The following HDAC9 variants were observed in gnomAD, a reference collection of about 807,000 sequenced individuals.
HDAC9 encodes histone deacetylase 9, also known as MEF-2 interacting transcription repressor (MITR) protein.
In HDAC9, 41 loss-of-function variants were observed where a neutral mutation model predicts 139.4. The ratio of observed to expected loss-of-function variants is 0.29; its 90% CI spans 0.23 to 0.38. The LOEUF (loss-of-function observed/expected upper bound fraction) is 0.38, where lower values mean the gene tolerates loss of function less well. HDAC9 is among the 10% of genes least tolerant of loss of function. HDAC9 has a pLI of 1.00. For missense variants in HDAC9, 1,147 were observed against 1,297.0 expected (o/e 0.88, Z 1.78); for synonymous variants, 517 against 476.2 (o/e 1.09, Z -1.12).
intron 1 of HDAC9, among the ~76,000 whole-genome samples, chr7:18,392,679 G>C (rs945166742): frequency 2.0e-5 from 3 of 151,950 alleles, no homozygotes; most frequent in African/African-American, 7.2e-5. Flanking sequence ...GATATTGTTA[G>C]TATTTTACCT....
intron 2 of HDAC9, among the ~76,000 whole-genome samples, chr7:18,573,830 C>G (rs1029965514): frequency 1.6e-4 from 24 of 152,152 alleles, no homozygotes; most frequent in Admixed American, 5.2e-4. Flanking sequence ...ACCACTGAAC[C>G]CCAAAGAGAG....
intron 25 of HDAC9, among the ~76,000 whole-genome samples, chr7:18,977,260 G>C (rs1045065395): frequency 1.6e-4 from 24 of 152,086 alleles, no homozygotes; most frequent in African/African-American, 4.6e-4. Flanking sequence ...TAATCCAAAG[G>C]TGTTGCAATT....
At chr7:18,995,915 A>C in intron 25 of HDAC9, 108 bp from the exon 26 acceptor site, 1 of 769,284 alleles carries the variant, frequency 1.3e-6, no homozygotes, top group Non-Finnish European at 2.1e-6. Flanking sequence ...TGAATAACAC[A>C]AATAAACATC....
intron 16 of HDAC9, 82 bp from the exon 17 acceptor site, chr7:18,793,263 T>C: frequency 1.1e-6 from 1 of 939,952 alleles, no homozygotes; most frequent in Admixed American, 2.0e-5. Flanking sequence ...CCCTGCGACC[T>C]CTTCCCCTTT....
rs138675821 is a variant in HDAC9 at position 18,478,365 on chromosome 7, C to T, written c.-41-17897C>T. 4.1e-3 allele frequency among the ~76,000 whole-genome samples: 619 copies of T among 152,324 alleles called. 1 individual carries two copies. The highest frequency in any genetic ancestry group is 0.017 in the Middle Eastern group (5 of 294). On this transcript the variant is annotated intron_variant, in intron 1 of 3. Coordinates refer to the HDAC9 transcript ENST00000413509. ...GGATTACAGGCGTGAGCCGCCACGC[C>T]GGGCCAAAATACTGTACTTTTAAGT...
chr7:18,636,478 C>T (rs2128996949), intron 8 of HDAC9, among the ~76,000 whole-genome samples: 1 of 152,110 alleles, frequency 6.6e-6, no homozygotes, highest in South Asian at 2.1e-4. Flanking sequence ...ACAAAGCAAA[C>T]AAAAACTCCC....
At chr7:18,569,067 TA>T (rs1480085597) in intron 2 of HDAC9, among the ~76,000 whole-genome samples, 5 of 149,958 alleles carry the variant, frequency 3.3e-5, no homozygotes, top group Admixed American at 6.7e-5. Context: ...AATAAATAAA[TA>T]AAATAAAATA....
chr7:18,765,691 ATATT>A (rs1762589375), intron 15 of HDAC9, among the ~76,000 whole-genome samples: 1 of 152,222 alleles, frequency 6.6e-6, no homozygotes, highest in Non-Finnish European at 1.5e-5. Flanking sequence ...ATGTACATAT[ATATT>A]TTAATTTCAC....
intron 2 of HDAC9, among the ~76,000 whole-genome samples, chr7:18,249,524 CA>C (rs1417150363): frequency 1.8e-4 from 9 of 49,044 alleles, no homozygotes; most frequent in Non-Finnish European, 3.9e-4. Context: ...AAAAAAAAAA[CA>C]AAAAAAAAAC....
chr7:18,319,007 C>A (rs140165914), intron 1 of HDAC9, among the ~76,000 whole-genome samples: 2 of 152,214 alleles, frequency 1.3e-5, no homozygotes. Flanking sequence ...TCTGCATTTC[C>A]GGGGGATTCC....
At chr7:18,149,630 A>AACCC (rs1786611712) in intron 1 of HDAC9, among the ~76,000 whole-genome samples, 1 of 151,884 alleles carries the variant, frequency 6.6e-6, no homozygotes, top group Non-Finnish European at 1.5e-5. Context: ...GGCTCACTGC[A>AACCC]GGCTTCGCCT....
intron 2 of HDAC9, among the ~76,000 whole-genome samples, chr7:18,561,513 T>C (rs1820591319): frequency 6.6e-6 from 1 of 152,184 alleles, no homozygotes; most frequent in Non-Finnish European, 1.5e-5. Context: ...TTCACATGGT[T>C]GTGCAACCAT....
chr7:18,435,593 T>C (rs932106592), intron 1 of HDAC9, among the ~76,000 whole-genome samples: 5 of 152,042 alleles, frequency 3.3e-5, no homozygotes, highest in East Asian at 1.9e-4. Flanking sequence ...ATTGACTTTT[T>C]GTTTTTTACA....
chr7:18,928,367 G>C (rs1804420875), intron 22 of HDAC9, among the ~76,000 whole-genome samples: 1 of 152,202 alleles, frequency 6.6e-6, no homozygotes, highest in Admixed American at 6.5e-5. Context: ...AGTTCTGACT[G>C]TACTTTGTTC....
chr7:18,702,384 G>T (rs909693039), intron 12 of HDAC9, among the ~76,000 whole-genome samples: 1 of 152,184 alleles, frequency 6.6e-6, no homozygotes, highest in Non-Finnish European at 1.5e-5. Flanking sequence ...ACTGGTGTCC[G>T]CAGCACCTCC....
intron 9 of HDAC9, among the ~76,000 whole-genome samples, chr7:18,646,739 C>T (rs960728537): frequency 6.6e-6 from 1 of 152,044 alleles, no homozygotes; most frequent in Non-Finnish European, 1.5e-5. Flanking sequence ...GTATTAGAGT[C>T]CTGCTTTTGT....
chr7:18,506,428 C>T (rs1799783709), intron 2 of HDAC9, among the ~76,000 whole-genome samples: 1 of 152,154 alleles, frequency 6.6e-6, no homozygotes, highest in South Asian at 2.1e-4. Context: ...CTTCTTGGGG[C>T]TGTTGACCCT....
intron 1 of HDAC9, among the ~76,000 whole-genome samples, chr7:18,468,062 CAGAGGG>C (rs1794429439): frequency 6.6e-6 from 1 of 152,132 alleles, no homozygotes. Flanking sequence ...TCAAATGATG[CAGAGGG>C]TACATATCAA....
chr7:18,889,936 C>T (rs1018740926), intron 22 of HDAC9, among the ~76,000 whole-genome samples: 1 of 152,190 alleles, frequency 6.6e-6, no homozygotes, highest in Non-Finnish European at 1.5e-5. Flanking sequence ...AACTCCTGTG[C>T]TCAAGTGAGC....
Sources: gnomAD v4.1 joint callset for allele counts (sites outside exome capture counted in the v4.1 genomes callset) on GRCh38, gnomAD v4.1.1 for gene constraint, MANE v1.5 for transcripts, NCBI Gene and HGNC (gene_info 2026-07-23, HGNC 2026-07-21) for gene names.